The following IDUA variants were observed in gnomAD, a reference collection of about 807,000 sequenced individuals.
IDUA encodes the protein alpha-L-iduronidase.
Under a neutral mutation model 68.9 loss-of-function variants are expected in IDUA, and 65 were observed. That is an observed-to-expected ratio of 0.94 (90% confidence interval 0.77 to 1.16). IDUA has a LOEUF of 1.16. Ranked by LOEUF, IDUA falls within the 50% of genes most tolerant of loss-of-function variation. The probability of loss-of-function intolerance (pLI) is 0.00; values close to 1 mark genes in which losing one functional copy is unlikely to be tolerated. For synonymous variants in IDUA, 529 were observed against 433.6 expected (o/e 1.22, Z -2.73); for missense variants, 1,046 against 938.0 (o/e 1.12, Z -1.50).
Position 989,342 on chromosome 4 carries a change from G to T in IDUA, c.299+1393G>T, listed in dbSNP as rs143915071. 9.3e-5 allele frequency: 149 copies of T among 1,603,950 alleles called. No individual in the cohort carries two copies. The highest frequency in any genetic ancestry group is 8.3e-4 in the Middle Eastern group (5 of 6,048). On this transcript the variant is annotated intron_variant, in intron 2 of 13. Coordinates refer to ENST00000514224, the MANE Select transcript of IDUA (RefSeq NM_000203.5). ...CGGAACACCCGCACGCCGGGCTCAG[G>T]GACGAGGCCCTCGAACTCTGTGGCA... is the stretch of plus-strand genomic sequence containing the variant.
chr4:987,086 T>TGC lies in IDUA; in HGVS notation c.4_5dup (p.Pro3_?2). Reference sequence around the variant, plus strand: ...CGCAGTCCCCGAGCACGCGTGGCCATGCGTCCCCTGCGCCCCCGCGCCGCG... The same window carrying TGC: ...CGCAGTCCCCGAGCACGCGTGGCCATGCGCGTCCCCTGCGCCCCCGCGCCGCG... On this transcript the variant is annotated frameshift_variant and start_lost, in exon 1 of 14. Transcript: ENST00000514224. LOFTEE classifies it high-confidence loss of function. 1 of 1,479,158 alleles carries TGC rather than the reference T, an allele frequency of 6.8e-7. No homozygotes were observed. The highest frequency in any genetic ancestry group is 8.9e-7 in the Non-Finnish European group (1 of 1,121,804). 91.6% of individuals were successfully genotyped at this position (1,479,158 alleles called of 1,614,324 possible).
chr4:1,001,532 C>A lies in IDUA; in HGVS notation c.558C>A (p.His186Gln). The A allele has an allele frequency of 6.2e-7, 1 of 1,613,324 alleles. No individual in the cohort carries two copies. The highest frequency in any genetic ancestry group is 8.5e-7 in the Non-Finnish European group (1 of 1,179,992). The change falls in exon 5 of 14, where the codon CAC (histidine) becomes CAA (glutamine). Residue 186 changes from histidine to glutamine, a missense_variant. By Grantham distance (24) the His-to-Gln change is conservative. Coordinates refer to ENST00000514224, the MANE Select transcript of IDUA (RefSeq NM_000203.5). The stretch of plus-strand genomic sequence containing the variant: ...AGACGTGGAATGAGCCAGACCACCA[C>A]GACTTTGACAACGTCTCCATGACCA... ...NFETWNEPDHHDFDNVSMTMQ... is the reference protein window; with the variant it reads ...NFETWNEPDHQDFDNVSMTMQ...
intron 2 of IDUA, among the ~76,000 whole-genome samples, chr4:995,523 C>T (rs1432994887): frequency 6.6e-6 from 1 of 152,216 alleles, no homozygotes; most frequent in South Asian, 2.1e-4. Context: ...CGGTGGGTCC[C>T]TCGGGTGGGG....
intron 12 of IDUA, 158 bp downstream of exon 12, chr4:1,003,783 C>T (rs1715274819): frequency 2.3e-6 from 2 of 879,316 alleles, no homozygotes; most frequent in Non-Finnish European, 3.6e-6. Flanking sequence ...ACACTGTGGG[C>T]CACGCGCCAG....
At position 1,003,086 on chromosome 4, in the gene IDUA, G is replaced by C; in HGVS notation, c.1453G>C (p.Gly485Arg). The C allele has an allele frequency of 6.6e-6, 10 of 1,520,716 alleles. No individual in the cohort carries two copies. Among genetic ancestry groups the C allele is most frequent in the Non-Finnish European group, 8.8e-6 (10 of 1,142,828 alleles). The allele number at this position is 1,520,716 out of a possible 1,614,324, so 94.2% of individuals were successfully genotyped here. Residue 485 changes from glycine to arginine, a missense_variant, in exon 10 of 14, where the codon GGC becomes CGC. By Grantham distance (125) the Gly-to-Arg change is moderately radical (BLOSUM62 -2). Coordinates refer to ENST00000514224, the MANE Select transcript of IDUA (RefSeq NM_000203.5). ...YLDNGLCSPD[G>R]EWRRLGRPVF... The stretch of plus-strand genomic sequence containing the variant: ...GGACAACGGGCTCTGCAGCCCCGAC[G>C]GCGAGTGGCGGCGCCTGGGCCGGCC...
Position 1,004,342 on chromosome 4 carries a change from G to C in IDUA, c.1911G>C (p.Pro637=), listed in dbSNP as rs780005721. 1 of 1,611,662 alleles carries C rather than the reference G, an allele frequency of 6.2e-7. No individual in the cohort carries two copies. ...ARPGPFSDPV[P]YLEVPVPRGP... is the part of the protein sequence containing the mutation. ...CAGGCCCCTTCTCGGACCCTGTGCCGTACCTGGAGGTCCCTGTGCCAAGAG... is the reference window on the plus strand; with the variant it reads ...CAGGCCCCTTCTCGGACCCTGTGCCCTACCTGGAGGTCCCTGTGCCAAGAG... The change falls in exon 14 of 14, where the codon CCG becomes CCC. Residue 637 remains proline, a synonymous_variant. Transcript: ENST00000514224. This position sits in a 1 kb window ranked among gnomAD's most constrained non-coding sequence, Gnocchi z 5.0.
intron 2 of IDUA, among the ~76,000 whole-genome samples, chr4:995,015 T>C (rs959343533): frequency 6.6e-6 from 1 of 151,628 alleles, no homozygotes; most frequent in African/African-American, 2.4e-5. Context: ...CAGTGAGGTA[T>C]GTTTGTAGCG....
rs774140993 is a variant in IDUA, at chr4:989,094, G to A, written c.299+1145G>A. The A allele has an allele frequency of 3.1e-6, 5 of 1,602,016 alleles. No homozygotes were observed. In the East Asian group the frequency reaches 9.1e-5, roughly 29 times the overall value. On this transcript the variant is annotated intron_variant, in intron 2 of 13. Coordinates refer to ENST00000514224, the MANE Select transcript of IDUA (RefSeq NM_000203.5). Reference sequence around the variant, plus strand: ...CGTCTAGGAACAGCAGCGGGGCGCAGTCGATGACCACTGTGTGGAAGCCGG... The same window carrying A: ...CGTCTAGGAACAGCAGCGGGGCGCAATCGATGACCACTGTGTGGAAGCCGG...
rs1355080002 is a variant in IDUA at position 1,003,720 on chromosome 4, G to A, written c.1727+95G>A. 3 of 1,394,020 alleles carry A rather than the reference G, an allele frequency of 2.2e-6. No individual in the cohort carries two copies. The South Asian group carries it at 3.5e-5, about 16-fold the overall frequency. 86.4% of individuals were successfully genotyped at this position (1,394,020 alleles called of 1,614,324 possible). A position where few individuals can be genotyped will look rare whatever the true frequency, so the allele number is the denominator to read the frequency against. ...CATGCGGTCACTCGGGCCACTTGCCGTGGCCCATCGGCTCCCTCCCTCGCC... is the reference window on the plus strand; with the variant it reads ...CATGCGGTCACTCGGGCCACTTGCCATGGCCCATCGGCTCCCTCCCTCGCC... On this transcript the variant is annotated intron_variant, in intron 12 of 13. Coordinates refer to ENST00000514224, the MANE Select transcript of IDUA (RefSeq NM_000203.5).
intron 12 of IDUA, 64 bp from the exon 13 acceptor site, chr4:1,003,948 C>T: frequency 1.5e-6 from 2 of 1,371,682 alleles, no homozygotes; most frequent in Non-Finnish European, 2.1e-6. Context: ...CGGCCGTGCC[C>T]TGCCTGCTCC....
At chr4:992,231 G>C (rs1044869172) in intron 2 of IDUA, 1 of 457,380 alleles carries the variant, frequency 2.2e-6, no homozygotes, top group African/African-American at 2.0e-5. Flanking sequence ...GGCTCCCCAG[G>C]TTGGCAAACG....
At chr4:989,128 G>T in intron 2 of IDUA, 1 of 1,606,966 alleles carries the variant, frequency 6.2e-7, no homozygotes, top group Non-Finnish European at 8.5e-7. Flanking sequence ...GGCCGCTGCG[G>T]GCACCAGCGC....
chr4:1,003,234 G>A, intron 10 of IDUA, 77 bp downstream of exon 10: 1 of 1,288,548 alleles, frequency 7.8e-7, no homozygotes, highest in Non-Finnish European at 9.8e-7. Flanking sequence ...CGGGGGCTCC[G>A]AGGCGGTGTG....
At chr4:1,001,041 C>A (rs1426767033) in intron 4 of IDUA, 52 bp downstream of exon 4, 4 of 1,269,526 alleles carry the variant, frequency 3.2e-6, no homozygotes, top group Non-Finnish European at 3.4e-6. Flanking sequence ...TACTCCTGGG[C>A]AGGTTGCACC....
intron 2 of IDUA, chr4:989,843 T>C (rs1444246659): frequency 2.5e-6 from 4 of 1,578,654 alleles, no homozygotes; most frequent in Non-Finnish European, 3.4e-6. Context: ...TAGCCGTGAC[T>C]GCGGGCGAAC....
chr4:987,114 G>A lies in IDUA; in HGVS notation c.30G>A (p.Leu10=), dbSNP rs549738466. ...GTCCCCTGCGCCCCCGCGCCGCGCT[G>A]CTGGCGCTCCTGGCCTCGCTCCTGG... is the stretch of plus-strand genomic sequence containing the variant. MRPLRPRAA[L]LALLASLLAA... Residue 10 remains leucine (L), a synonymous_variant, in exon 1 of 14, where the codon CTG becomes CTA. Transcript: ENST00000514224. 2.8e-5 allele frequency: 41 copies of A among 1,447,356 alleles called. No homozygotes were observed. The East Asian group carries it at 3.6e-4, about 13-fold the overall frequency. The allele number at this position is 1,447,356 out of a possible 1,614,324, so 89.7% of individuals were successfully genotyped here. A position where few individuals can be genotyped will look rare whatever the true frequency, so the allele number is the denominator to read the frequency against.
intron 2 of IDUA, among the ~76,000 whole-genome samples, chr4:995,445 G>A (rs535894126): frequency 9.2e-5 from 14 of 152,286 alleles, no homozygotes; most frequent in Middle Eastern, 3.4e-3. Context: ...ACCTGTGGCC[G>A]GAGGGTGAGT....
chr4:994,062 CAT>C (rs1453411629), intron 2 of IDUA, among the ~76,000 whole-genome samples: 1 of 152,196 alleles, frequency 6.6e-6, no homozygotes, highest in East Asian at 1.9e-4. Flanking sequence ...GTGCCTGCCT[CAT>C]AGGGCTGGGG....
chr4:994,370 G>A (rs1714601394), intron 2 of IDUA, among the ~76,000 whole-genome samples: 1 of 151,892 alleles, frequency 6.6e-6, no homozygotes, highest in Non-Finnish European at 1.5e-5. Context: ...CTGCCTCCTG[G>A]GTTCACGCCA....
Sources: allele counts gnomAD v4.1 joint callset (sites outside exome capture counted in the v4.1 genomes callset), GRCh38; gene constraint gnomAD v4.1.1; non-coding constraint Gnocchi (gnomAD v3.1); transcripts MANE v1.5; gene names NCBI Gene and HGNC (gene_info 2026-07-23, HGNC 2026-07-21).